INO80E: variants seen among roughly 807,000 people sequenced by gnomAD.
INO80E encodes INO80 complex subunit E.
In INO80E, 20 loss-of-function variants were observed where a neutral mutation model predicts 27.3. The observed-to-expected ratio is 0.73, with a 90% CI of 0.51 to 1.06. The LOEUF (loss-of-function observed/expected upper bound fraction) is 1.06. Ranked by LOEUF, INO80E falls within the 50% of genes least tolerant of loss-of-function variation. INO80E has a pLI of 0.00. For missense variants in INO80E, 357 were observed against 322.8 expected, an observed-to-expected ratio of 1.11 and a Z score of -0.81; for synonymous variants, 167 against 145.9, an observed-to-expected ratio of 1.14 and a Z score of -1.04.
Position 30,000,759 on chromosome 16 carries a change from C to T in INO80E, c.207C>T (p.Asp69=), listed in dbSNP as rs1383690453. ...QYENVDEDSS[D]SDATASSDNS... ...ACTGACCAGCTGTCCCCATCACAGACTCAGATGCCACTGCATCATCAGATA... is the reference window on the plus strand; with the variant it reads ...ACTGACCAGCTGTCCCCATCACAGATTCAGATGCCACTGCATCATCAGATA... Residue 69 remains aspartate (D), a splice_region_variant and synonymous_variant, in exon 4 of 7, where the codon GAC becomes GAT. Transcript: ENST00000563197. 1 of 1,613,930 alleles carries T rather than the reference C, an allele frequency of 6.2e-7. No individual in the cohort carries two copies. Among genetic ancestry groups the T allele is most frequent in the Non-Finnish European group, 8.5e-7 (1 of 1,179,772 alleles).
chr16:30,004,897 C>G (rs2070497926), intron 6 of INO80E, among the ~76,000 whole-genome samples: 1 of 152,118 alleles, frequency 6.6e-6, no homozygotes, highest in Non-Finnish European at 1.5e-5. Flanking sequence ...GCACTCCAGG[C>G]CGACTCCGCC....
intron 6 of INO80E, chr16:30,002,592 G>T (rs954069044): frequency 6.6e-6 from 1 of 152,490 alleles, no homozygotes; most frequent in African/African-American, 2.4e-5. Flanking sequence ...CCTGGTGTGG[G>T]CTGTGCGGGA....
At chr16:29,997,410 A>T (rs536114681) in intron 3 of INO80E, among the ~76,000 whole-genome samples, 1 of 151,750 alleles carries the variant, frequency 6.6e-6, no homozygotes, top group East Asian at 1.9e-4. Flanking sequence ...ATATTTTTCC[A>T]TATGAAAAAT....
intron 3 of INO80E, among the ~76,000 whole-genome samples, chr16:29,998,669 A>T (rs2070229861): frequency 6.6e-6 from 1 of 152,164 alleles, no homozygotes; most frequent in Non-Finnish European, 1.5e-5. Context: ...AAAAGCCCTA[A>T]GGTAGGCATT....
At chr16:29,997,457 G>T (rs1427927001) in intron 3 of INO80E, among the ~76,000 whole-genome samples, 1 of 150,382 alleles carries the variant, frequency 6.6e-6, no homozygotes, top group Non-Finnish European at 1.5e-5. Flanking sequence ...CCGTTTAAAA[G>T]CTTAAAAGCC....
In INO80E at chr16:30,001,464, G is replaced by A. The variant is rs1464053790; in HGVS notation, c.447G>A (p.Gln149=). 2 of 1,612,822 alleles carry A rather than the reference G, an allele frequency of 1.2e-6. No homozygotes were observed. ...PPFPSDYLAL[Q]LPEPSPLRPK... is the part of the protein sequence containing the mutation. ...TCCCTTCTGACTACCTGGCCCTGCA[G>A]CTGCCCGAGCCCAGTCCCCTGAGGC... The change falls in exon 6 of 7, where the codon CAG becomes CAA. Residue 149 remains glutamine (Q), a synonymous_variant. Transcript: ENST00000563197.
chr16:30,001,215 C>T lies in INO80E; in HGVS notation c.396+175C>T, dbSNP rs376094377. 3.2e-5 allele frequency: 47 copies of T among 1,484,812 alleles called. No individual in the cohort carries two copies. The Middle Eastern group carries it at 7.0e-4, about 22-fold the overall frequency. 92.0% of individuals were successfully genotyped at this position (1,484,812 alleles called of 1,614,324 possible). On this transcript the variant is annotated intron_variant, in intron 5 of 6. Coordinates refer to ENST00000563197, the MANE Select transcript of INO80E (RefSeq NM_173618.3). ...TGCCCCCTTCTCTCTGGTATAGGAA[C>T]GGGGCCAGGCCTGACTGAGGAGAGC...
rs1373846618 is a variant in INO80E, at chr16:30,003,370, G to C, written c.513+1840G>C. On this transcript the variant is annotated intron_variant, in intron 6 of 6. Transcript: ENST00000563197. The surrounding 1 kb of genome is among the most constrained non-coding windows in gnomAD (Gnocchi z 4.4). ...TGGTAAGAAATTGGCAAGAAGAACC[G>C]GGTGGGGTGGGGTCATGGAAGGCCT... is the stretch of plus-strand genomic sequence containing the variant. The C allele has an allele frequency of 6.6e-6, 1 of 152,422 alleles. No individual in the cohort carries two copies. The highest frequency in any genetic ancestry group is 1.5e-5 in the Non-Finnish European group (1 of 68,242). 9.4% of individuals were successfully genotyped at this position (152,422 alleles called of 1,614,324 possible).
rs2070131690 is a variant in INO80E, at chr16:29,996,687, G to C, written c.152+70G>C. Reference sequence around the variant, plus strand: ...ATCTACATTCGGACCCCATCCCCGAGTAGGGCCACAAGTGCATGGGCTCTT... The same window carrying C: ...ATCTACATTCGGACCCCATCCCCGACTAGGGCCACAAGTGCATGGGCTCTT... On this transcript the variant is annotated intron_variant, in intron 2 of 6. Coordinates refer to ENST00000563197, the MANE Select transcript of INO80E (RefSeq NM_173618.3). 6.3e-6 allele frequency: 10 copies of C among 1,589,516 alleles called. No individual in the cohort carries two copies. The South Asian group carries it at 1.1e-4, about 18-fold the overall frequency.
chr16:30,000,278 A>G (rs1414650322), intron 3 of INO80E, among the ~76,000 whole-genome samples: 2 of 152,082 alleles, frequency 1.3e-5, no homozygotes, highest in South Asian at 2.1e-4. Context: ...TGGAGAGGCT[A>G]TGGGCCTCCC....
At chr16:30,001,149 G>T in intron 5 of INO80E, 109 bp downstream of exon 5, 1 of 1,470,264 alleles carries the variant, frequency 6.8e-7, no homozygotes, top group East Asian at 2.4e-5. Flanking sequence ...ACATCTGTCT[G>T]GGTGTGGCCC....
chr16:29,997,620 G>A (rs1430882992), intron 3 of INO80E, among the ~76,000 whole-genome samples: 2 of 151,968 alleles, frequency 1.3e-5, no homozygotes, highest in Non-Finnish European at 2.9e-5. Context: ...CGGGTGTGGT[G>A]GCGTGCACCT....
rs543447638 is a variant in INO80E at position 30,000,881 on chromosome 16, G to C, written c.284+45G>C. The C allele has an allele frequency of 9.0e-5, 145 of 1,611,650 alleles. No homozygotes were observed. In the South Asian group the frequency reaches 1.5e-3, roughly 17 times the overall value. ...CTCTCGCTGGGGAGGGTCAGGTGGG[G>C]CGCCTGGGCTCCTAGCCACATCTGA... On this transcript the variant is annotated intron_variant, in intron 4 of 6. Transcript: ENST00000563197.
At position 30,001,145 on chromosome 16, in the gene INO80E, G is replaced by T. The variant is rs188287519; in HGVS notation, c.396+105G>T. 23 of 1,474,450 alleles carry T rather than the reference G, an allele frequency of 1.6e-5. No homozygotes were observed. In the Admixed American group the frequency reaches 2.8e-4, roughly 18 times the overall value. The allele number at this position is 1,474,450 out of a possible 1,614,324, so 91.3% of individuals were successfully genotyped here. ...GGCCAGCCCAACTTTGGGGACATCT[G>T]TCTGGGTGTGGCCCAAGTGTCCCGT... is the stretch of plus-strand genomic sequence containing the variant. On this transcript the variant is annotated intron_variant, in intron 5 of 6. Transcript: ENST00000563197.
rs570914942 is a variant in INO80E, at chr16:29,996,243, G to C, written c.-68G>C. ...GCAGCGTCTCCGGAAGTGGAGGCGG[G>C]AGCGGCACGGCAGCCACTGCTTGGG... On this transcript the variant is annotated 5_prime_UTR_variant, in exon 1 of 7. Transcript: ENST00000563197. 6.2e-6 allele frequency: 9 copies of C among 1,451,438 alleles called. No homozygotes were observed. In the African/African-American group the frequency reaches 9.8e-5, roughly 16 times the overall value. 89.9% of individuals were successfully genotyped at this position (1,451,438 alleles called of 1,614,324 possible).
In INO80E at chr16:30,005,722, C is replaced by G. The variant is rs188366782; in HGVS notation, c.*280C>G. On this transcript the variant is annotated 3_prime_UTR_variant, in exon 7 of 7. Coordinates refer to ENST00000563197, the MANE Select transcript of INO80E (RefSeq NM_173618.3). ...GGCAGAGACCCTGCAATGGCCACCT[C>G]TTTAAAAGGGCAGCTGTACAGGGCT... is the stretch of plus-strand genomic sequence containing the variant. 3.8e-6 allele frequency: 2 copies of G among 524,654 alleles called. No homozygotes were observed. The highest frequency in any genetic ancestry group is 3.9e-5 in the African/African-American group (2 of 50,828). The allele number at this position is 524,654 out of a possible 1,614,324, so 32.5% of individuals were successfully genotyped here. A position where few individuals can be genotyped will look rare whatever the true frequency, so the allele number is the denominator to read the frequency against.
chr16:30,000,290 G>A (rs1157106167), intron 3 of INO80E, among the ~76,000 whole-genome samples: 1 of 152,136 alleles, frequency 6.6e-6, no homozygotes, highest in East Asian at 1.9e-4. Flanking sequence ...GGGCCTCCCT[G>A]GGACAGCTCG....
At chr16:30,001,165 TC>T in intron 5 of INO80E, 125 bp downstream of exon 5, 3 of 1,472,294 alleles carry the variant, frequency 2.0e-6, no homozygotes, top group Non-Finnish European at 2.7e-6. Context: ...GGCCCAAGTG[TC>T]CCGTGGAGGG....
chr16:30,005,714 G>C lies in INO80E; in HGVS notation c.*272G>C, dbSNP rs1444708809. ...GCTGGGGAGGCAGAGACCCTGCAATGGCCACCTCTTTAAAAGGGCAGCTGT... is the reference window on the plus strand; with the variant it reads ...GCTGGGGAGGCAGAGACCCTGCAATCGCCACCTCTTTAAAAGGGCAGCTGT... On this transcript the variant is annotated 3_prime_UTR_variant, in exon 7 of 7. Coordinates refer to ENST00000563197, the MANE Select transcript of INO80E (RefSeq NM_173618.3). 7 of 530,922 alleles carry C rather than the reference G, an allele frequency of 1.3e-5. No homozygotes were observed. Among genetic ancestry groups the C allele is most frequent in the Non-Finnish European group, 2.3e-5 (7 of 303,438 alleles). 32.9% of individuals were successfully genotyped at this position (530,922 alleles called of 1,614,324 possible).
Sources: allele counts gnomAD v4.1 joint callset (sites outside exome capture counted in the v4.1 genomes callset), GRCh38; gene constraint gnomAD v4.1.1; non-coding constraint Gnocchi (gnomAD v3.1); transcripts MANE v1.5; gene names NCBI Gene and HGNC (gene_info 2026-07-23, HGNC 2026-07-21).